The following MAML3 variants were observed in gnomAD, a reference collection of about 807,000 sequenced individuals.
The protein encoded by MAML3 is mastermind like transcriptional coactivator 3, also known as mastermind-like protein 3.
MAML3 carries 27 observed loss-of-function variants against 101.9 expected under a neutral mutation model. The observed-to-expected ratio is 0.27, with a 90% CI of 0.20 to 0.37. MAML3 has a LOEUF of 0.37. MAML3 is among the 10% of genes least tolerant of loss of function. The pLI is 1.00. For synonymous variants in MAML3, 501 were observed against 555.9 expected (o/e 0.90, Z 1.39); for missense variants, 1,316 against 1,444.9 (o/e 0.91, Z 1.45).
intron 1 of MAML3, among the ~76,000 whole-genome samples, chr4:140,122,260 C>T (rs1560900403): frequency 7.3e-6 from 1 of 136,156 alleles, no homozygotes; most frequent in South Asian, 2.4e-4. Flanking sequence ...TCGCTTTTGT[C>T]CCCCAGGCTG....
At chr4:140,148,698 G>A (rs1258545877) in intron 1 of MAML3, among the ~76,000 whole-genome samples, 2 of 152,196 alleles carry the variant, frequency 1.3e-5, no homozygotes, top group Non-Finnish European at 2.9e-5. Context: ...AACGTATAAG[G>A]ACATTCAGCA....
At chr4:139,862,205 T>C (rs1372788957) in intron 2 of MAML3, among the ~76,000 whole-genome samples, 1 of 152,158 alleles carries the variant, frequency 6.6e-6, no homozygotes, top group Admixed American at 6.5e-5. Flanking sequence ...GCAAAACTCT[T>C]GTCTCAAAAA....
intron 1 of MAML3, among the ~76,000 whole-genome samples, chr4:140,068,082 T>C (rs1318501517): frequency 2.6e-5 from 4 of 152,268 alleles, no homozygotes; most frequent in Middle Eastern, 3.4e-3. Context: ...CTTTTCTGAC[T>C]TAGCCTTGGA....
chr4:139,819,475 A>AT (rs368782795), intron 2 of MAML3, among the ~76,000 whole-genome samples: 42 of 152,030 alleles, frequency 2.8e-4, no homozygotes, highest in African/African-American at 8.9e-4. Flanking sequence ...TCGATATCTT[A>AT]TTTTTTTTCT....
At chr4:140,116,730 C>T (rs1007218838) in intron 1 of MAML3, among the ~76,000 whole-genome samples, 24 of 152,172 alleles carry the variant, frequency 1.6e-4, no homozygotes, top group African/African-American at 5.1e-4. Context: ...GAAATGGCAG[C>T]AGGTTTTTAG....
chr4:140,128,627 G>A (rs1728727569), intron 1 of MAML3, among the ~76,000 whole-genome samples: 1 of 152,144 alleles, frequency 6.6e-6, no homozygotes, highest in African/African-American at 2.4e-5. Context: ...CACCCACACA[G>A]GCTATCCCCA....
At chr4:139,906,002 G>A (rs777867500) in intron 1 of MAML3, among the ~76,000 whole-genome samples, 20 of 152,276 alleles carry the variant, frequency 1.3e-4, no homozygotes, top group South Asian at 8.3e-4. Flanking sequence ...AACAGACAAT[G>A]CCATCCTTAA....
intron 1 of MAML3, among the ~76,000 whole-genome samples, chr4:140,007,374 C>G (rs1726469168): frequency 6.6e-6 from 1 of 152,168 alleles, no homozygotes; most frequent in African/African-American, 2.4e-5. Context: ...AAATGATAAT[C>G]TTTATTACAG....
chr4:139,853,147 A>C (rs1731590514), intron 2 of MAML3, among the ~76,000 whole-genome samples: 1 of 152,214 alleles, frequency 6.6e-6, no homozygotes, highest in Non-Finnish European at 1.5e-5. Flanking sequence ...CATTCCAGGG[A>C]ACTCTACACT....
intron 1 of MAML3, among the ~76,000 whole-genome samples, chr4:139,901,700 C>T (rs1732722800): frequency 1.3e-5 from 2 of 152,118 alleles, no homozygotes; most frequent in Admixed American, 1.3e-4. Flanking sequence ...CTTACACCAA[C>T]AACACAGACC....
chr4:140,108,828 GC>G (rs1728394529), intron 1 of MAML3, among the ~76,000 whole-genome samples: 1 of 151,968 alleles, frequency 6.6e-6, no homozygotes, highest in South Asian at 2.1e-4. Context: ...AGAAGCTGGG[GC>G]CACACTGCCT....
chr4:139,943,181 T>C (rs1733638485), intron 1 of MAML3, among the ~76,000 whole-genome samples: 1 of 152,186 alleles, frequency 6.6e-6, no homozygotes, highest in African/African-American at 2.4e-5. Context: ...CTTCTAATCA[T>C]TTCAGTTTGA....
At chr4:139,864,688 A>G (rs1731857609) in intron 2 of MAML3, among the ~76,000 whole-genome samples, 1 of 150,136 alleles carries the variant, frequency 6.7e-6, no homozygotes, top group East Asian at 1.9e-4. Context: ...AAAAAAAAAA[A>G]AAAAAAAAAA....
chr4:140,016,956 A>C (rs1302074867), intron 1 of MAML3, among the ~76,000 whole-genome samples: 1 of 152,242 alleles, frequency 6.6e-6, no homozygotes, highest in East Asian at 1.9e-4. Context: ...AAAATTTGGT[A>C]AGTTTTGTTC....
intron 2 of MAML3, among the ~76,000 whole-genome samples, chr4:139,865,678 C>T (rs1731885041): frequency 6.6e-6 from 1 of 152,188 alleles, no homozygotes; most frequent in Non-Finnish European, 1.5e-5. Context: ...AATGACTCTG[C>T]CTTAATCTCC....
At chr4:139,990,770 G>C (rs1487121426) in intron 1 of MAML3, among the ~76,000 whole-genome samples, 6 of 152,104 alleles carry the variant, frequency 3.9e-5, no homozygotes, top group South Asian at 2.1e-4. Context: ...GACAAACAGA[G>C]AGCCAAATTA....
At chr4:140,060,367 A>AAAAAAAAAAAAAAAAAAAC (rs1727425036) in intron 1 of MAML3, among the ~76,000 whole-genome samples, 2 of 143,574 alleles carry the variant, frequency 1.4e-5, no homozygotes, top group Non-Finnish European at 3.1e-5. Context: ...CTCTGTCTCA[A>AAAAAAAAAAAAAAAAAAAC]AAAAAAAAAA....
chr4:139,908,326 T>C (rs78942169), intron 1 of MAML3, among the ~76,000 whole-genome samples: 1 of 152,244 alleles, frequency 6.6e-6, no homozygotes, highest in African/African-American at 2.4e-5. Flanking sequence ...TATTTCTGTA[T>C]ACTGTGTAGT....
Position 139,735,964 on chromosome 4 carries a change from C to T in MAML3, c.2080-5297G>A, listed in dbSNP as rs1458585068. On this transcript the variant is annotated intron_variant, in intron 2 of 4. Transcript: ENST00000509479. The surrounding 1 kb of genome is among the most constrained non-coding windows in gnomAD (Gnocchi z 5.8). The stretch of plus-strand genomic sequence containing the variant: ...CGGTGTGCTCCAGCGGGCGCATTTC[C>T]CAGGCCCCGCCACATCGTGTGTGTT... Among the ~76,000 whole-genome samples the T allele has an allele frequency of 6.6e-6, 1 of 152,158 alleles. No homozygotes were observed.
Sources: gnomAD v4.1 joint callset for allele counts (sites outside exome capture counted in the v4.1 genomes callset) on GRCh38, gnomAD v4.1.1 for gene constraint, Gnocchi (gnomAD v3.1) non-coding constraint, MANE v1.5 for transcripts, NCBI Gene and HGNC (gene_info 2026-07-23, HGNC 2026-07-21) for gene names.